Variants in DCDC1 observed in about 807,000 individuals in gnomAD.
DCDC1 encodes the protein doublecortin domain-containing protein 1.
DCDC1 carries 200 observed loss-of-function variants against 178.3 expected under a neutral mutation model. That is an observed-to-expected ratio of 1.12 (90% CI 1.00 to 1.26). DCDC1 has a LOEUF of 1.26. Among genes scored for constraint, DCDC1 ranks in the 50% most tolerant of loss-of-function variants. The pLI, the probability that DCDC1 is intolerant of heterozygous loss-of-function variation, is 0.00. For synonymous variants in DCDC1, 690 were observed against 604.8 expected, an observed-to-expected ratio of 1.14 and a Z score of -2.07; for missense variants, 1,983 against 1,749.2, an observed-to-expected ratio of 1.13 and a Z score of -2.38.
At chr11:31,341,164 G>A (rs1036690236) in intron 1 of DCDC1, among the ~76,000 whole-genome samples, 1 of 152,106 alleles carries the variant, frequency 6.6e-6, no homozygotes, top group Non-Finnish European at 1.5e-5. Context: ...AAAAAGGATG[G>A]TTCAGAAGAA....
chr11:30,954,223 T>A (rs374255770), intron 20 of DCDC1, among the ~76,000 whole-genome samples: 2 of 151,730 alleles, frequency 1.3e-5, no homozygotes, highest in African/African-American at 4.8e-5. Flanking sequence ...CACCGTGTTA[T>A]CCAGGATGGT....
chr11:30,992,730 C>G (rs548697569), intron 20 of DCDC1: 2 of 152,232 alleles, frequency 1.3e-5, no homozygotes, highest in East Asian at 3.9e-4. Context: ...ACTGAAGAAA[C>G]AAAGTCCAAA....
chr11:30,894,874 C>T (rs571673226), intron 34 of DCDC1, among the ~76,000 whole-genome samples: 5 of 152,166 alleles, frequency 3.3e-5, no homozygotes, highest in East Asian at 1.9e-4. Flanking sequence ...TAATACCCTG[C>T]GAGCACGATT....
chr11:30,949,797 T>C (rs1948299545), intron 21 of DCDC1, among the ~76,000 whole-genome samples: 1 of 148,762 alleles, frequency 6.7e-6, no homozygotes, highest in African/African-American at 2.5e-5. Context: ...TAAGTGGGAG[T>C]TGAACAATGA....
intron 20 of DCDC1, among the ~76,000 whole-genome samples, chr11:30,974,133 A>C (rs1949970509): frequency 6.6e-6 from 1 of 152,156 alleles, no homozygotes; most frequent in East Asian, 1.9e-4. Context: ...CTCCTGAATG[A>C]CCATTGGATC....
intron 7 of DCDC1, among the ~76,000 whole-genome samples, chr11:31,267,166 C>G (rs1256843573): frequency 1.3e-5 from 2 of 151,804 alleles, no homozygotes; most frequent in African/African-American, 4.8e-5. Flanking sequence ...TGCATACCTG[C>G]TCATTATTAG....
chr11:31,065,007 C>G lies in DCDC1; in HGVS notation c.2433+12G>C, dbSNP rs1331610338. 1.3e-6 allele frequency: 1 copy of G among 747,900 alleles called. No homozygotes were observed. The highest frequency in any genetic ancestry group is 2.4e-6 in the Non-Finnish European group (1 of 412,380). 46.3% of individuals were successfully genotyped at this position (747,900 alleles called of 1,614,324 possible). A position where few individuals can be genotyped will look rare whatever the true frequency, so the allele number is the denominator to read the frequency against. On this transcript the variant is annotated intron_variant, in intron 19 of 38. Coordinates refer to ENST00000684477, the MANE Select transcript of DCDC1 (RefSeq NM_001387274.1). ...AGCTATTTCTGTCTTGCCTCTGGCT[C>G]CCTACACTGACCTCTTCTGCTAAGT...
At chr11:31,341,909 C>T (rs1160075855) in intron 1 of DCDC1, among the ~76,000 whole-genome samples, 1 of 151,614 alleles carries the variant, frequency 6.6e-6, no homozygotes, top group Non-Finnish European at 1.5e-5. Flanking sequence ...GACCATGTTG[C>T]CTTGCAAGGC....
In DCDC1 at chr11:31,254,987, T is replaced by C. The variant is rs556167265; in HGVS notation, c.1054+10520A>G. 4.8e-4 allele frequency among the ~76,000 whole-genome samples: 73 copies of C among 152,302 alleles called. 3 individuals are homozygous for C. The South Asian group carries it at 0.012, about 25-fold the overall frequency. ...CCATGACAAACACCAATCTGCATTC[T>C]GTCTCTGTGGATTTATTCGCTCTGG... On this transcript the variant is annotated intron_variant, in intron 8 of 38. Coordinates refer to ENST00000684477, the MANE Select transcript of DCDC1 (RefSeq NM_001387274.1).
chr11:31,164,080 A>C (rs1208535105), intron 9 of DCDC1, among the ~76,000 whole-genome samples: 2 of 152,298 alleles, frequency 1.3e-5, no homozygotes, highest in East Asian at 3.9e-4. Context: ...GGTGGGTCAA[A>C]GCAACTAAGG....
intron 9 of DCDC1, chr11:31,156,199 A>G (rs1219892851): frequency 2.0e-5 from 3 of 152,256 alleles, no homozygotes; most frequent in African/African-American, 7.2e-5. Flanking sequence ...AATATAATTG[A>G]GTACAATATT....
intron 21 of DCDC1, among the ~76,000 whole-genome samples, chr11:30,949,934 C>G (rs1948311510): frequency 6.6e-6 from 1 of 151,986 alleles, no homozygotes; most frequent in Admixed American, 6.6e-5. Flanking sequence ...AGCAAACCAC[C>G]ACGGCAAGTG....
At chr11:31,056,182 T>C (rs775216560) in intron 20 of DCDC1, among the ~76,000 whole-genome samples, 19 of 151,786 alleles carry the variant, frequency 1.3e-4, no homozygotes, top group Non-Finnish European at 2.4e-4. Flanking sequence ...CAGCAGTCAC[T>C]AAAAATAATA....
chr11:30,973,477 G>A (rs900328565), intron 20 of DCDC1, among the ~76,000 whole-genome samples: 8 of 151,904 alleles, frequency 5.3e-5, no homozygotes, highest in South Asian at 2.1e-4. Flanking sequence ...ACAGCAATGC[G>A]AGAACACATT....
At chr11:30,873,448 TTTCCAAGGAAAGTGTCTGTC>T (rs1223487693) in intron 38 of DCDC1, among the ~76,000 whole-genome samples, 2 of 151,892 alleles carry the variant, frequency 1.3e-5, no homozygotes, top group Non-Finnish European at 2.9e-5. Flanking sequence ...TATTCTCTGT[TTTCCAAGGAAAGTGTCTGTC>T]TTCCAAGGAG....
At chr11:31,015,989 A>G (rs1026801893) in intron 20 of DCDC1, among the ~76,000 whole-genome samples, 1 of 152,222 alleles carries the variant, frequency 6.6e-6, no homozygotes, top group African/African-American at 2.4e-5. Flanking sequence ...TAAATATCTT[A>G]TATTGTGGAA....
At chr11:30,989,874 A>C (rs1350054015) in intron 20 of DCDC1, among the ~76,000 whole-genome samples, 1 of 152,112 alleles carries the variant, frequency 6.6e-6, no homozygotes, top group African/African-American at 2.4e-5. Context: ...AGGCTACCAA[A>C]AGTTGCTGTG....
chr11:31,265,721 T>A, intron 7 of DCDC1, 121 bp from the exon 8 acceptor site: 1 of 392,384 alleles, frequency 2.5e-6, no homozygotes, highest in Non-Finnish European at 4.3e-6. Flanking sequence ...ATTTAATGAT[T>A]TATAAAATGT....
rs537477651 is a variant in DCDC1 at position 31,180,404 on chromosome 11, G to A, written c.1222-42620C>T. Among the ~76,000 whole-genome samples the A allele has an allele frequency of 3.3e-5, 5 of 152,272 alleles. No homozygotes were observed. The South Asian group carries it at 8.3e-4, about 25-fold the overall frequency. ...ATATATCAAAACATTAAATTGGGGG[G>A]CTGGCAAGATGGCCGAATAGGAACA... On this transcript the variant is annotated intron_variant, in intron 9 of 38. Coordinates refer to ENST00000684477, the MANE Select transcript of DCDC1 (RefSeq NM_001387274.1).
Sources: gnomAD v4.1 joint callset for allele counts (sites outside exome capture counted in the v4.1 genomes callset) on GRCh38, gnomAD v4.1.1 for gene constraint, MANE v1.5 for transcripts, NCBI Gene and HGNC (gene_info 2026-07-23, HGNC 2026-07-21) for gene names.